The following RMDN3 variants were observed in gnomAD, a reference collection of about 807,000 sequenced individuals.
RMDN3 encodes regulator of microtubule dynamics protein 3.
In RMDN3, 41 loss-of-function variants were observed where a neutral mutation model predicts 61.8. The observed-to-expected ratio is 0.66, with a 90% CI of 0.52 to 0.86. The LOEUF (loss-of-function observed/expected upper bound fraction) is 0.86, where lower values mean the gene tolerates loss of function less well. Ranked by LOEUF, RMDN3 falls within the 40% of genes least tolerant of loss-of-function variation. The probability of loss-of-function intolerance (pLI) is 0.00; values close to 1 mark genes in which losing one functional copy is unlikely to be tolerated. For synonymous variants in RMDN3, 247 were observed against 232.0 expected (o/e 1.06, Z -0.59); for missense variants, 557 against 585.3 (o/e 0.95, Z 0.50).
In RMDN3 at chr15:40,741,620, ATTT is replaced by A. The variant is rs553262858; in HGVS notation, c.911-1430_911-1428del. On this transcript the variant is annotated intron_variant, in intron 6 of 12. Transcript: ENST00000338376. ...ACTGGAGAAGACACTGCAACATAGG[ATTT>A]TTTTTTTTTTTTTTTTTTTTTTTGA... Among the ~76,000 whole-genome samples, 796 of 71,706 alleles carry A rather than the reference ATTT, an allele frequency of 0.011. 36 individuals are homozygous for A. The East Asian group carries it at 0.17, about 16-fold the overall frequency. 47.0% of individuals were successfully genotyped at this position (71,706 alleles called of 152,430 possible).
chr15:40,745,171 C>A lies in RMDN3; in HGVS notation c.613G>T (p.Val205Leu), dbSNP rs761053500. The change falls in exon 5 of 13, where the codon GTG becomes TTG. Residue 205 changes from valine (V) to leucine (L), a missense_variant. Val to Leu is a conservative substitution (Grantham distance 32, BLOSUM62 1). Coordinates refer to ENST00000338376, the MANE Select transcript of RMDN3 (RefSeq NM_018145.3). ...AGAGAATCCTTTCTCCCCATCTTCA[C>A]AGTCTCACAGCTCACTTCATCTTCC... is the stretch of plus-strand genomic sequence containing the variant. ...DGEDEVSCET[V>L]KMGRKDSLDL... 2.0e-5 allele frequency: 32 copies of A among 1,614,060 alleles called. No homozygotes were observed. The highest frequency in any genetic ancestry group is 1.0e-4 in the Admixed American group (6 of 60,004).
Position 40,737,143 on chromosome 15 carries a change from A to G in RMDN3, c.1340T>C (p.Leu447Pro), listed in dbSNP as rs752421785. The G allele has an allele frequency of 6.2e-7, 1 of 1,614,206 alleles. No individual in the cohort carries two copies. The highest frequency in any genetic ancestry group is 8.5e-7 in the Non-Finnish European group (1 of 1,180,018). The change falls in exon 12 of 13, where the codon CTG becomes CCG. Residue 447 changes from leucine to proline, a missense_variant. Physicochemically the swap from Leu to Pro is moderately conservative, Grantham distance 98. Transcript: ENST00000338376. ...ARWWMKLALE[L>P]PDVTKEDLAI... is the part of the protein sequence containing the mutation. ...CCTTACCTCCTTCGTGACATCTGGC[A>G]GCTCCAGGGCCAACTTCATCCACCA...
Position 40,751,568 on chromosome 15 carries a change from A to G in RMDN3, c.382T>C (p.Cys128Arg), listed in dbSNP as rs1293319292. Residue 128 changes from cysteine (C) to arginine (R), a missense_variant and splice_region_variant, in exon 4 of 13, where the codon TGC becomes CGC. Cys to Arg is a radical substitution (Grantham distance 180). Coordinates refer to ENST00000338376, the MANE Select transcript of RMDN3 (RefSeq NM_018145.3). ...ACTCTCTGGTTCTCTTCCATGTGGC[A>G]TCTGGAAAGCAGGCCCCATCCCGAA... is the stretch of plus-strand genomic sequence containing the variant. Reference protein sequence around the residue: ...LAGEIVGEVRCHMEENQRVAR... With the variant: ...LAGEIVGEVRRHMEENQRVAR... The G allele has an allele frequency of 3.7e-6, 6 of 1,614,090 alleles. No homozygotes were observed. Among genetic ancestry groups the G allele is most frequent in the Non-Finnish European group, 5.1e-6 (6 of 1,180,040 alleles).
In RMDN3 at chr15:40,751,452, C is replaced by T. The variant is rs776966484; in HGVS notation, c.498G>A (p.Thr166=). 31 of 1,614,140 alleles carry T rather than the reference C, an allele frequency of 1.9e-5. No homozygotes were observed. The Admixed American group carries it at 4.2e-4, about 22-fold the overall frequency. Residue 166 remains threonine (T), a synonymous_variant, in exon 4 of 13, where the codon ACG becomes ACA. Transcript: ENST00000338376. ...SVYFTASSGA[T]FTDAESEGGY... is the part of the protein sequence containing the mutation. ...CCCCTTCACTCTCAGCATCTGTGAACGTGGCTCCCGAGGAGGCCGTGAAGT... is the reference window on the plus strand; with the variant it reads ...CCCCTTCACTCTCAGCATCTGTGAATGTGGCTCCCGAGGAGGCCGTGAAGT...
chr15:40,751,607 TC>T, intron 3 of RMDN3, 38 bp from the exon 4 acceptor site: 1 of 1,613,620 alleles, frequency 6.2e-7, no homozygotes, highest in South Asian at 1.1e-5. Flanking sequence ...TACCATTAGG[TC>T]CCATCCAGCT....
intron 6 of RMDN3, 138 bp from the exon 7 acceptor site, chr15:40,740,331 G>A (rs1897230301): frequency 2.9e-6 from 2 of 696,890 alleles, no homozygotes; most frequent in Non-Finnish European, 5.2e-6. Context: ...TTGTGAACTT[G>A]AGCAGAATGA....
At chr15:40,737,058 G>T (rs890910402) in intron 12 of RMDN3, 66 bp downstream of exon 12, 4 of 1,259,220 alleles carry the variant, frequency 3.2e-6, no homozygotes, top group Non-Finnish European at 4.7e-6. Context: ...TCTCCATGTT[G>T]GTCAGGCTGT....
chr15:40,746,516 CA>C (rs756574720), intron 4 of RMDN3, among the ~76,000 whole-genome samples: 1,165 of 85,780 alleles, frequency 0.014, 11 homozygotes, highest in African/African-American at 0.038. Flanking sequence ...GACTCCGTCT[CA>C]AAAAAAAAAA....
Position 40,744,501 on chromosome 15 carries a change from G to T in RMDN3, c.808-352C>A, listed in dbSNP as rs76458435. ...AGGAAAAGGGAAACTTCTAACTTCTGGGGGGGGGGCATTTATACCTGGGTG... is the reference window on the plus strand; with the variant it reads ...AGGAAAAGGGAAACTTCTAACTTCTTGGGGGGGGGCATTTATACCTGGGTG... On this transcript the variant is annotated intron_variant, in intron 5 of 12. Transcript: ENST00000338376. Among the ~76,000 whole-genome samples the T allele has an allele frequency of 5.6e-4, 74 of 132,960 alleles. 1 individual carries two copies. Among genetic ancestry groups the T allele is most frequent in the Middle Eastern group, 3.5e-3 (1 of 286 alleles). 87.2% of individuals were successfully genotyped at this position (132,960 alleles called of 152,430 possible). A position where few individuals can be genotyped will look rare whatever the true frequency, so the allele number is the denominator to read the frequency against.
chr15:40,737,366 C>G, intron 10 of RMDN3, 25 bp from the exon 11 acceptor site: 2 of 1,604,934 alleles, frequency 1.2e-6, no homozygotes, highest in South Asian at 2.2e-5. Context: ...AAAGATATTT[C>G]AGTAAGAGGT....
chr15:40,744,528 G>A (rs1023654733), intron 5 of RMDN3, among the ~76,000 whole-genome samples: 6 of 151,870 alleles, frequency 4.0e-5, no homozygotes, highest in Admixed American at 2.0e-4. Context: ...ACCTGGGTGG[G>A]CATATATTCT....
chr15:40,744,811 G>T (rs1408197063), intron 5 of RMDN3, among the ~76,000 whole-genome samples, 166 bp downstream of exon 5: 2 of 152,062 alleles, frequency 1.3e-5, no homozygotes. Flanking sequence ...CTTGGAAGAG[G>T]ATATGTGACC....
intron 2 of RMDN3, among the ~76,000 whole-genome samples, chr15:40,752,498 CA>C (rs1036486503): frequency 1.9e-5 from 1 of 51,980 alleles, no homozygotes; most frequent in Non-Finnish European, 4.7e-5. Flanking sequence ...TAAAAAAAAA[CA>C]AAAACCTTCA....
chr15:40,738,846 C>T (rs1191627091), intron 7 of RMDN3: 1 of 506,824 alleles, frequency 2.0e-6, no homozygotes, highest in Non-Finnish European at 3.5e-6. Flanking sequence ...ATCTCTCTTA[C>T]ACAGTAAATC....
chr15:40,737,402 T>A, intron 10 of RMDN3, 61 bp from the exon 11 acceptor site: 2 of 1,497,336 alleles, frequency 1.3e-6, no homozygotes, highest in Admixed American at 3.4e-5. Context: ...AGGCTGAAGT[T>A]TATTAAACTA....
intron 2 of RMDN3, among the ~76,000 whole-genome samples, chr15:40,754,109 T>G (rs1897935578): frequency 7.0e-6 from 1 of 143,456 alleles, no homozygotes; most frequent in African/African-American, 2.6e-5. Context: ...GGCGAAAGAG[T>G]AGAGAAAACC....
rs533073552 is a variant in RMDN3 at position 40,751,931 on chromosome 15, CA to C, written c.380+54del. The C allele has an allele frequency of 2.9e-5, 46 of 1,563,984 alleles. No homozygotes were observed. In the South Asian group the frequency reaches 4.9e-4, roughly 17 times the overall value. On this transcript the variant is annotated intron_variant, in intron 3 of 12. Transcript: ENST00000338376. ...AGACAGCGAAGGCCAGAACACACCC[CA>C]GCTGAAAAGCTGCAGGGGAGGGATA...
chr15:40,736,574 G>A lies in RMDN3; in HGVS notation c.1380C>T (p.Asp460=), dbSNP rs535514649. The A allele has an allele frequency of 5.2e-5, 84 of 1,613,982 alleles. 1 individual carries two copies. In the South Asian group the frequency reaches 8.8e-4, roughly 17 times the overall value. Residue 460 remains aspartate, a synonymous_variant, in exon 13 of 13, where the codon GAC becomes GAT. Coordinates refer to ENST00000338376, the MANE Select transcript of RMDN3 (RefSeq NM_018145.3). ...GTAAAATGACTTCCAGTTCTTCCAG[G>A]TCCTTCTGGATAGCCAAATCCTAGG... ...VTKEDLAIQK[D]LEELEVILRD
rs755740334 is a variant in RMDN3, at chr15:40,752,049, C to A, written c.317G>T (p.Arg106Leu). The A allele has an allele frequency of 2.5e-6, 4 of 1,614,134 alleles. No individual in the cohort carries two copies. The highest frequency in any genetic ancestry group is 1.1e-5 in the South Asian group (1 of 91,090). The change falls in exon 3 of 13, where the codon CGG (arginine) becomes CTG (leucine). Residue 106 changes from arginine to leucine, a missense_variant. Coordinates refer to ENST00000338376, the MANE Select transcript of RMDN3 (RefSeq NM_018145.3). Reference protein sequence around the residue: ...FVLTSLVALRREVEELRSSLR... With the variant: ...FVLTSLVALRLEVEELRSSLR... ...GCTGCTTCTCAGCTCCTCCACCTCC[C>A]GCCGCAGCGCCACAAGGCTGGTCAG...
Sources: allele counts gnomAD v4.1 joint callset (sites outside exome capture counted in the v4.1 genomes callset), GRCh38; gene constraint gnomAD v4.1.1; transcripts MANE v1.5; gene names NCBI Gene and HGNC (gene_info 2026-07-23, HGNC 2026-07-21).